The following MIA2 variants were observed in gnomAD, a reference collection of about 807,000 sequenced individuals.
The protein encoded by MIA2 is melanoma inhibitory activity protein 2.
In MIA2, 127 loss-of-function variants were observed where a neutral mutation model predicts 167.8. That is an observed-to-expected ratio of 0.76 (90% CI 0.66 to 0.88). The LOEUF is 0.88. Among genes scored for constraint, MIA2 ranks in the 40% least tolerant of loss-of-function variants. The pLI is 0.00. For missense variants in MIA2, 1,690 were observed against 1,624.7 expected (o/e 1.04, Z -0.69); for synonymous variants, 552 against 541.9 (o/e 1.02, Z -0.26).
rs1187291281 is a variant in MIA2, at chr14:39,252,934, C to G, written c.1754C>G (p.Ser585Cys). ...LNSQMVSTDNSLSSQNYISQK... is the reference protein window; with the variant it reads ...LNSQMVSTDNCLSSQNYISQK... ...AGTCAGATGGTTTCAACTGATAACT[C>G]TTTGTCTTCTCAAAATTATATTTCT... Residue 585 changes from serine to cysteine, a missense_variant, in exon 5 of 29, where the codon TCT becomes TGT. Physicochemically the swap from Ser to Cys is moderately radical, Grantham distance 112 (BLOSUM62 -1). Transcript: ENST00000640607. 1 of 1,611,382 alleles carries G rather than the reference C, an allele frequency of 6.2e-7. No individual in the cohort carries two copies. The highest frequency in any genetic ancestry group is 8.5e-7 in the Non-Finnish European group (1 of 1,178,546).
At chr14:39,301,353 C>T (rs1378596060) in intron 14 of MIA2, among the ~76,000 whole-genome samples, 1 of 151,806 alleles carries the variant, frequency 6.6e-6, no homozygotes, top group Non-Finnish European at 1.5e-5. Flanking sequence ...GCGTGAGCCA[C>T]CGCATCTGGC....
intron 6 of MIA2, among the ~76,000 whole-genome samples, chr14:39,253,867 A>G (rs896034275): frequency 7.2e-5 from 11 of 152,224 alleles, no homozygotes; most frequent in African/African-American, 2.7e-4. Context: ...CTTGGCATAT[A>G]AGAGATCTTT....
intron 18 of MIA2, among the ~76,000 whole-genome samples, chr14:39,310,928 G>A (rs879781715): frequency 5.3e-5 from 8 of 152,164 alleles, no homozygotes; most frequent in Non-Finnish European, 8.8e-5. Flanking sequence ...ATACCTAGGA[G>A]TGGGCCCTTC....
chr14:39,295,036 G>C lies in MIA2; in HGVS notation c.2496+7G>C. 1 of 1,559,272 alleles carries C rather than the reference G, an allele frequency of 6.4e-7. No individual in the cohort carries two copies. Among genetic ancestry groups the C allele is most frequent in the African/African-American group, 1.4e-5 (1 of 73,964 alleles). ...TCAGGAAAGCCAGAAACAGGTTTGTGCTCCGTAGGGACTCTTCAACTTGTG... is the reference window on the plus strand; with the variant it reads ...TCAGGAAAGCCAGAAACAGGTTTGTCCTCCGTAGGGACTCTTCAACTTGTG... On this transcript the variant is annotated splice_region_variant and intron_variant, in intron 13 of 28. Coordinates refer to ENST00000640607, the MANE Select transcript of MIA2 (RefSeq NM_001329214.4).
At chr14:39,320,716 A>G (rs1360594988) in intron 23 of MIA2, among the ~76,000 whole-genome samples, 1 of 152,188 alleles carries the variant, frequency 6.6e-6, no homozygotes, top group Non-Finnish European at 1.5e-5. Flanking sequence ...TTTATTGCTT[A>G]AAGTGTCTAT....
chr14:39,347,998 A>T (rs1001337408), intron 27 of MIA2, among the ~76,000 whole-genome samples: 1 of 151,952 alleles, frequency 6.6e-6, no homozygotes, highest in African/African-American at 2.4e-5. Context: ...TATTTAGTAG[A>T]GACGGAGTTT....
chr14:39,377,834 C>T (rs2075073729), intron 23 of MIA2, among the ~76,000 whole-genome samples: 1 of 151,760 alleles, frequency 6.6e-6, no homozygotes, highest in African/African-American at 2.4e-5. Flanking sequence ...TTCTTAAAAG[C>T]CTTGAGCCCA....
At chr14:39,238,808 A>AAAAAAAAAAAAC (rs2053903272) in intron 2 of MIA2, among the ~76,000 whole-genome samples, 1 of 148,230 alleles carries the variant, frequency 6.7e-6, no homozygotes, top group Admixed American at 6.8e-5. Flanking sequence ...AAAAAAAAAA[A>AAAAAAAAAAAAC]AAACCCAAAA....
chr14:39,379,165 G>C (rs1049728413), intron 23 of MIA2, among the ~76,000 whole-genome samples: 8 of 151,650 alleles, frequency 5.3e-5, no homozygotes, highest in African/African-American at 1.9e-4. Context: ...GTTAAAAAGT[G>C]GGTTAATGCT....
rs2058128210 is a variant in MIA2, at chr14:39,277,213, T to A, written c.2019+148T>A. ...TTTGTTTTTTGTTTTTTGTTTTTTT[T>A]AAAAGAGATGAGGGTCAGGAATGAG... is the stretch of plus-strand genomic sequence containing the variant. On this transcript the variant is annotated intron_variant, in intron 7 of 28. Transcript: ENST00000640607. 9 of 1,060,006 alleles carry A rather than the reference T, an allele frequency of 8.5e-6. No individual in the cohort carries two copies. In the East Asian group the frequency reaches 1.7e-4, roughly 20 times the overall value. 65.7% of individuals were successfully genotyped at this position (1,060,006 alleles called of 1,614,324 possible).
intron 18 of MIA2, among the ~76,000 whole-genome samples, chr14:39,311,995 A>C (rs9322998): frequency 0.56 from 82,942 of 148,142 alleles, 24,426 homozygotes; most frequent in South Asian, 0.67. Flanking sequence ...ATGCCTGCCT[A>C]ATTTTTGTAT....
chr14:39,290,922 T>C, intron 9 of MIA2, 97 bp from the exon 10 acceptor site: 4 of 1,085,342 alleles, frequency 3.7e-6, no homozygotes, highest in Non-Finnish European at 5.3e-6. Context: ...TAATGTATTA[T>C]GTGGAAATGG....
chr14:39,271,044 A>G (rs2057047606), intron 6 of MIA2, among the ~76,000 whole-genome samples: 1 of 152,198 alleles, frequency 6.6e-6, no homozygotes, highest in Non-Finnish European at 1.5e-5. Flanking sequence ...GCTTAAGACA[A>G]GGTTACAAAC....
chr14:39,249,017 G>A (rs559832994), intron 4 of MIA2, among the ~76,000 whole-genome samples: 1 of 152,290 alleles, frequency 6.6e-6, no homozygotes, highest in East Asian at 1.9e-4. Flanking sequence ...AGGATTACAG[G>A]TGTGAGCCAT....
At chr14:39,329,462 C>T (rs898296459) in intron 25 of MIA2, among the ~76,000 whole-genome samples, 1 of 152,098 alleles carries the variant, frequency 6.6e-6, no homozygotes, top group Non-Finnish European at 1.5e-5. Context: ...ATTTCTCTTG[C>T]CTGATTGCCC....
At position 39,293,365 on chromosome 14, in the gene MIA2, C is replaced by G; in HGVS notation, c.2303C>G (p.Ser768Cys). The G allele has an allele frequency of 8.8e-6, 14 of 1,589,344 alleles. No individual in the cohort carries two copies. The highest frequency in any genetic ancestry group is 1.2e-5 in the Non-Finnish European group (14 of 1,160,560). Residue 768 changes from serine to cysteine, a missense_variant, in exon 11 of 29, where the codon TCT (serine) becomes TGT (cysteine). Transcript: ENST00000640607. ...TTAAAAGAAGAGAAATCCAAACATT[C>G]TGAACAAGATGAATTGGTAAGGCTT... Reference protein sequence around the residue: ...KELKEEKSKHSEQDELMADIS... With the variant: ...KELKEEKSKHCEQDELMADIS...
intron 23 of MIA2, among the ~76,000 whole-genome samples, chr14:39,361,687 G>A (rs938932517): frequency 5.9e-5 from 9 of 152,078 alleles, no homozygotes; most frequent in Non-Finnish European, 7.4e-5. Flanking sequence ...TGATCCACCC[G>A]CCTTGGCCTC....
intron 25 of MIA2, among the ~76,000 whole-genome samples, chr14:39,343,817 GTGTGTGTATATGTGTGTATGTA>G (rs1018889659): frequency 3.3e-5 from 5 of 152,184 alleles, no homozygotes; most frequent in Non-Finnish European, 7.4e-5. Flanking sequence ...GCATATGAGG[GTGTGTGTATATGTGTGTATGTA>G]TGTGTGTATA....
At chr14:39,315,450 T>C (rs2065236866) in intron 20 of MIA2, 2 of 399,190 alleles carry the variant, frequency 5.0e-6, no homozygotes, top group Non-Finnish European at 8.8e-6. Context: ...CTGTTGATTA[T>C]TACATAAAGT....
Sources: allele counts gnomAD v4.1 joint callset (sites outside exome capture counted in the v4.1 genomes callset), GRCh38; gene constraint gnomAD v4.1.1; transcripts MANE v1.5; gene names NCBI Gene and HGNC (gene_info 2026-07-23, HGNC 2026-07-21).